CDHR2: variants seen among roughly 807,000 people sequenced by gnomAD.
CDHR2 encodes cadherin related family member 2.
In CDHR2, 104 loss-of-function variants were observed where a neutral mutation model predicts 138.6. That is an observed-to-expected ratio of 0.75 (90% CI 0.64 to 0.88). CDHR2 has a LOEUF of 0.88. CDHR2 is among the 40% of genes least tolerant of loss of function. CDHR2 has a pLI of 0.00. For missense variants in CDHR2, 1,624 were observed against 1,727.6 expected, an observed-to-expected ratio of 0.94 and a Z score of 1.06; for synonymous variants, 755 against 742.8, an observed-to-expected ratio of 1.02 and a Z score of -0.27.
chr5:176,590,298 T>C lies in CDHR2; in HGVS notation c.3321T>C (p.Asn1107=), dbSNP rs750001913. The change falls in exon 26 of 32, where the codon AAT becomes AAC. Residue 1107 remains asparagine (N), a synonymous_variant. Transcript: ENST00000261944. ...SYLDAYFVFP[N]GSALTLDELS... is the part of the protein sequence containing the mutation. ...TCGATGCCTACTTTGTCTTCCCCAA[T>C]GGGTCAGCCCTGACCCTTGATGAGC... 3 of 1,614,146 alleles carry C rather than the reference T, an allele frequency of 1.9e-6. No homozygotes were observed. The Admixed American group carries it at 5.0e-5, about 27-fold the overall frequency.
At chr5:176,574,938 A>T (rs1342323894) in intron 7 of CDHR2, 146 bp from the exon 8 acceptor site, 7 of 891,222 alleles carry the variant, frequency 7.9e-6, no homozygotes, top group Non-Finnish European at 1.2e-5. Context: ...GGAGCTGGAA[A>T]CTGAGGCTCA....
rs749597145 is a variant in CDHR2, at chr5:176,584,566, C to T, written c.2285C>T (p.Pro762Leu). Residue 762 changes from proline to leucine, a missense_variant, in exon 19 of 32, where the codon CCG becomes CTG. Around this residue, in one of 3 missense-constraint regions of CDHR2, gnomAD observed 1,061 missense variants for 1,136.6 expected, o/e 0.93. Transcript: ENST00000261944. ...GCTGAGGGCTACCTCCGGCTGCCCC[C>T]GGACGTGAGCCTGGATTACGAGACA... ...GWAEGYLRLP[P>L]DVSLDYETQP... 40 of 1,610,580 alleles carry T rather than the reference C, an allele frequency of 2.5e-5. No individual in the cohort carries two copies. Among genetic ancestry groups the T allele is most frequent in the East Asian group, 2.0e-4 (9 of 44,826 alleles).
chr5:176,565,446 G>T, intron 2 of CDHR2, 42 bp downstream of exon 2: 1 of 1,587,978 alleles, frequency 6.3e-7, no homozygotes, highest in Non-Finnish European at 8.6e-7. Flanking sequence ...CTAACCTAGA[G>T]ACCCTTGGCA....
chr5:176,565,487 T>A, intron 2 of CDHR2, 83 bp downstream of exon 2: 1 of 1,411,240 alleles, frequency 7.1e-7, no homozygotes, highest in Non-Finnish European at 1.0e-6. Flanking sequence ...GGATCCCTCA[T>A]CAGCAAACAC....
rs563892423 is a variant in CDHR2 at position 176,560,135 on chromosome 5, G to A, written c.-15-5203G>A. ...CAAATGGCTGGGCGCAGTGGCTCAC[G>A]CCTGTAATCCCAGCAATTTGGGAGA... is the stretch of plus-strand genomic sequence containing the variant. On this transcript the variant is annotated intron_variant, in intron 1 of 31. Transcript: ENST00000261944. 2.0e-5 allele frequency among the ~76,000 whole-genome samples: 3 copies of A among 152,360 alleles called. No homozygotes were observed. The East Asian group carries it at 5.8e-4, about 29-fold the overall frequency.
chr5:176,542,694 G>A (rs1188784513), exon 1 of CDHR2: 1 of 152,236 alleles, frequency 6.6e-6, no homozygotes, highest in East Asian at 1.9e-4. Context: ...TGGCTTTCAG[G>A]CAACGGAAGC....
At chr5:176,546,301 A>G (rs1757583948), upstream of CDHR2, among the ~76,000 whole-genome samples, 1 of 151,926 alleles carries the variant, frequency 6.6e-6, no homozygotes, top group Admixed American at 6.6e-5. Flanking sequence ...TCTAAGGTCT[A>G]TTTTCCCATC....
chr5:176,589,670 T>C (rs1486526217), intron 24 of CDHR2, 54 bp downstream of exon 24: 2 of 1,509,450 alleles, frequency 1.3e-6, no homozygotes, highest in African/African-American at 1.4e-5. Flanking sequence ...TGTAGGAGCC[T>C]GGTCCCCGAC....
At chr5:176,592,082 TG>T (rs1341171663) in intron 30 of CDHR2, among the ~76,000 whole-genome samples, 3 of 112,688 alleles carry the variant, frequency 2.7e-5, no homozygotes, top group Non-Finnish European at 4.0e-5. Flanking sequence ...GCAGTTATCG[TG>T]GTGGTGGTGG....
rs1347040849 is a variant in CDHR2, at chr5:176,572,050, C to T, written c.405+748C>T. ...TCAGCTCTGCTTCTCTTATTGCCTCCATCCTGGGGGAAGAGAGGCAAGTCT... is the reference window on the plus strand; with the variant it reads ...TCAGCTCTGCTTCTCTTATTGCCTCTATCCTGGGGGAAGAGAGGCAAGTCT... On this transcript the variant is annotated intron_variant, in intron 6 of 31. Transcript: ENST00000261944. Among the ~76,000 whole-genome samples the T allele has an allele frequency of 2.0e-5, 3 of 152,004 alleles. No individual in the cohort carries two copies. In the East Asian group the frequency reaches 5.8e-4, roughly 29 times the overall value.
intron 31 of CDHR2, among the ~76,000 whole-genome samples, chr5:176,593,934 G>A (rs947662381): frequency 6.6e-6 from 1 of 152,160 alleles, no homozygotes; most frequent in African/African-American, 2.4e-5. Flanking sequence ...GGAGGCCTCT[G>A]GGTAGATGCT....
In CDHR2 at chr5:176,568,775, G is replaced by A. The variant is rs753849637; in HGVS notation, c.222G>A (p.Pro74=). The A allele has an allele frequency of 1.9e-5, 30 of 1,614,198 alleles. No homozygotes were observed. Among genetic ancestry groups the A allele is most frequent in the Middle Eastern group, 1.6e-4 (1 of 6,062 alleles). ...GPNAYFFAVT[P]KTGEVKLASA... is the part of the protein sequence containing the mutation. ...ATGCCTACTTCTTCGCTGTCACTCC[G>A]AAAACTGGGGAAGTGAAGCTGGCCA... The change falls in exon 4 of 32, where the codon CCG becomes CCA. Residue 74 remains proline (P), a synonymous_variant. Coordinates refer to ENST00000261944, the MANE Select transcript of CDHR2 (RefSeq NM_017675.6).
At position 176,577,265 on chromosome 5, in the gene CDHR2, G is replaced by T. The variant is rs866494048; in HGVS notation, c.1195-134G>T. 3.0e-5 allele frequency: 29 copies of T among 960,840 alleles called. No homozygotes were observed. The Middle Eastern group carries it at 1.6e-3, about 55-fold the overall frequency. 59.5% of individuals were successfully genotyped at this position (960,840 alleles called of 1,614,324 possible). On this transcript the variant is annotated intron_variant, in intron 12 of 31. Coordinates refer to ENST00000261944, the MANE Select transcript of CDHR2 (RefSeq NM_017675.6). ...AGCCCAGCCTCCTGCACCCTCTCTC[G>T]CAGTCTTTTGAGAGCCCCCTTCCAT...
At chr5:176,591,122 G>A (rs1758831677) in intron 28 of CDHR2, 88 bp from the exon 29 acceptor site, 2 of 863,332 alleles carry the variant, frequency 2.3e-6, no homozygotes, top group South Asian at 2.9e-5. Flanking sequence ...CACCTCCCGG[G>A]ATCTTGTGAA....
Position 176,578,388 on chromosome 5 carries a change from C to T in CDHR2, c.1598C>T (p.Pro533Leu), listed in dbSNP as rs758040668. ...GNGADLFQVD[P>L]VSGTVTVRNG... ...AGGGCAGACCTCTTCCAAGTGGATC[C>T]CGTCTCAGGGACGGTGACGGTGAGG... is the stretch of plus-strand genomic sequence containing the variant. The change falls in exon 16 of 32, where the codon CCC becomes CTC. Residue 533 changes from proline to leucine, a missense_variant. Pro to Leu is a moderately conservative substitution (Grantham distance 98). Transcript: ENST00000261944. The T allele has an allele frequency of 2.5e-6, 4 of 1,613,470 alleles. No homozygotes were observed. The highest frequency in any genetic ancestry group is 3.4e-6 in the Non-Finnish European group (4 of 1,179,832).
chr5:176,564,882 T>C (rs1396507353), intron 1 of CDHR2, among the ~76,000 whole-genome samples: 2 of 152,100 alleles, frequency 1.3e-5, no homozygotes, highest in East Asian at 3.9e-4. Context: ...TTGTGAAGGA[T>C]ACTATTAGTT....
rs1757488922 is a variant in CDHR2 at position 176,543,006 on chromosome 5, C to T, written c.-16+237C>T. Among the ~76,000 whole-genome samples the T allele has an allele frequency of 6.6e-6, 1 of 152,054 alleles. No individual in the cohort carries two copies. The highest frequency in any genetic ancestry group is 2.4e-5 in the African/African-American group (1 of 41,414). On this transcript the variant is annotated intron_variant, in intron 1 of 31. Coordinates refer to the CDHR2 transcript ENST00000510636. The surrounding 1 kb of genome is among the most constrained non-coding windows in gnomAD (Gnocchi z 4.0). Reference sequence around the variant, plus strand: ...TGGCGGTCGGGACGTGCGCGGGGCGCAGGGCACGCGGGGGCTCGGAGTTCC... The same window carrying T: ...TGGCGGTCGGGACGTGCGCGGGGCGTAGGGCACGCGGGGGCTCGGAGTTCC...
chr5:176,565,579 G>A, intron 2 of CDHR2, 93 bp from the exon 3 acceptor site: 1 of 1,292,044 alleles, frequency 7.7e-7, no homozygotes, highest in Non-Finnish European at 1.1e-6. Context: ...TGGCCTGGGT[G>A]GCCATAAGGA....
chr5:176,575,113 T>A lies in CDHR2; in HGVS notation c.525T>A (p.His175Gln). ...KVIPSTGDSEHLFRILANGSI... is the reference protein window; with the variant it reads ...KVIPSTGDSEQLFRILANGSI... ...TCCCTAGCACTGGGGACAGCGAGCA[T>A]CTCTTCCGGATCCTGGCCAATGGCT... Residue 175 changes from histidine to glutamine, a missense_variant, in exon 8 of 32, where the codon CAT becomes CAA. Transcript: ENST00000261944. 1 of 1,614,094 alleles carries A rather than the reference T, an allele frequency of 6.2e-7. No individual in the cohort carries two copies. Among genetic ancestry groups the A allele is most frequent in the Non-Finnish European group, 8.5e-7 (1 of 1,180,010 alleles).
Sources: allele counts gnomAD v4.1 joint callset (sites outside exome capture counted in the v4.1 genomes callset), GRCh38; gene constraint gnomAD v4.1.1; regional missense constraint gnomAD v4.1.1; non-coding constraint Gnocchi (gnomAD v3.1); transcripts MANE v1.5; gene names NCBI Gene and HGNC (gene_info 2026-07-23, HGNC 2026-07-21).